The following PCDHGA2 variants were observed in gnomAD, a reference collection of about 807,000 sequenced individuals.
The protein encoded by PCDHGA2 is protocadherin gamma subfamily A, 2, also known as protocadherin gamma-A2.
Under a neutral mutation model 59.2 loss-of-function variants are expected in PCDHGA2, and 40 were observed. The observed-to-expected ratio is 0.68, with a 90% CI of 0.52 to 0.88. The LOEUF (loss-of-function observed/expected upper bound fraction) is 0.88. PCDHGA2 is among the 40% of genes least tolerant of loss of function. The pLI, the probability that PCDHGA2 is intolerant of heterozygous loss-of-function variation, is 0.00. For synonymous variants in PCDHGA2, 560 were observed against 526.0 expected (o/e 1.06, Z -0.89); for missense variants, 1,226 against 1,204.0 (o/e 1.02, Z -0.27).
Position 141,408,343 on chromosome 5 carries a change from G to A in PCDHGA2, c.2424+66948G>A, listed in dbSNP as rs780878986. On this transcript the variant is annotated intron_variant, in intron 1 of 3. Transcript: ENST00000394576. Reference sequence around the variant, plus strand: ...AGGAGCTGGCCAAGGGCTCGGTGGTGGGGAACCTCGCTAAGGATCTAGGGC... The same window carrying A: ...AGGAGCTGGCCAAGGGCTCGGTGGTAGGGAACCTCGCTAAGGATCTAGGGC... The A allele has an allele frequency of 1.9e-6, 3 of 1,613,924 alleles. No individual in the cohort carries two copies. In the South Asian group the frequency reaches 3.3e-5, roughly 18 times the overall value.
At position 141,400,283 on chromosome 5, in the gene PCDHGA2, C is replaced by T. The variant is rs566639489; in HGVS notation, c.2424+58888C>T. 2.5e-6 allele frequency: 4 copies of T among 1,614,084 alleles called. No individual in the cohort carries two copies. In the African/African-American group the frequency reaches 5.3e-5, roughly 22 times the overall value. On this transcript the variant is annotated intron_variant, in intron 1 of 3. Coordinates refer to ENST00000394576, the MANE Select transcript of PCDHGA2 (RefSeq NM_018915.4). The stretch of plus-strand genomic sequence containing the variant: ...CTGCGACGCTCCTCCAGCCCTGCCG[C>T]CTGGAGCTGCTTCCAACCTGGTCTC...
Position 141,476,838 on chromosome 5 carries a change from C to T in PCDHGA2, c.2425-17969C>T, listed in dbSNP as rs1347278637. 2.5e-6 allele frequency: 4 copies of T among 1,613,496 alleles called. No individual in the cohort carries two copies. Among genetic ancestry groups the T allele is most frequent in the Non-Finnish European group, 3.4e-6 (4 of 1,180,054 alleles). ...AAGGTGCTGGACGCGAATGACAATG[C>T]GCCTGTCTTCAACCAGTCCTTGTAC... On this transcript the variant is annotated intron_variant, in intron 1 of 3. Transcript: ENST00000394576. This position sits in a 1 kb window ranked among gnomAD's most constrained non-coding sequence, Gnocchi z 7.6.
intron 1 of PCDHGA2, chr5:141,442,380 T>G (rs1235241143): frequency 2.6e-5 from 4 of 152,244 alleles, no homozygotes; most frequent in Non-Finnish European, 4.4e-5. Flanking sequence ...TCCTACCAGG[T>G]GTGTGCTTCT....
At position 141,391,015 on chromosome 5, in the gene PCDHGA2, CAAAGA is replaced by C. The variant is rs1353502690; in HGVS notation, c.2424+49626_2424+49630del. On this transcript the variant is annotated intron_variant, in intron 1 of 3. Transcript: ENST00000394576. ...TTCAAGCTCATTCTATATCCTTCAT[CAAAGA>C]AAAGACAATGTTTTGTGTCTGTTGT... 3.3e-5 allele frequency: 5 copies of C among 152,166 alleles called. No individual in the cohort carries two copies. The East Asian group carries it at 9.6e-4, about 29-fold the overall frequency. The allele number at this position is 152,166 out of a possible 1,614,324, so 9.4% of individuals were successfully genotyped here. A position where few individuals can be genotyped will look rare whatever the true frequency, so the allele number is the denominator to read the frequency against.
chr5:141,420,968 T>A (rs1031890748), intron 1 of PCDHGA2: 1 of 441,548 alleles, frequency 2.3e-6, no homozygotes, highest in Non-Finnish European at 4.0e-6. Context: ...GTTGCAATAA[T>A]AAGAATGGGC....
At chr5:141,418,373 C>T (rs936895178) in intron 1 of PCDHGA2, 1 of 1,614,006 alleles carries the variant, frequency 6.2e-7, no homozygotes, top group Non-Finnish European at 8.5e-7. Context: ...CAAATACCAA[C>T]TAAGTCCTAA....
At chr5:141,421,169 T>G in intron 1 of PCDHGA2, 2 of 1,340,600 alleles carry the variant, frequency 1.5e-6, no homozygotes, top group South Asian at 1.5e-5. Flanking sequence ...CATAGATACA[T>G]AAGCCGATTC....
chr5:141,414,000 A>C (rs759228883), intron 1 of PCDHGA2: 20 of 1,613,400 alleles, frequency 1.2e-5, no homozygotes, highest in Non-Finnish European at 1.6e-5. Flanking sequence ...ACAGGGACGA[A>C]GGTGCCAATG....
intron 1 of PCDHGA2, chr5:141,394,693 G>T (rs1310404999): frequency 1.2e-6 from 2 of 1,612,890 alleles, no homozygotes; most frequent in African/African-American, 1.3e-5. Context: ...GGCGAGGTGC[G>T]CACGGCGCGA....
chr5:141,506,380 T>C (rs1209879935), intron 3 of PCDHGA2, among the ~76,000 whole-genome samples: 1 of 141,314 alleles, frequency 7.1e-6, no homozygotes, highest in Non-Finnish European at 1.5e-5. Flanking sequence ...ACCTGGGAGG[T>C]GGCTGTGGTG....
intron 3 of PCDHGA2, among the ~76,000 whole-genome samples, chr5:141,506,116 A>T: frequency 6.6e-6 from 1 of 152,136 alleles, no homozygotes; most frequent in East Asian, 1.9e-4. Flanking sequence ...AAGAGTCACT[A>T]GGGCCCAGAG....
chr5:141,503,164 C>G (rs1262310388), intron 2 of PCDHGA2, among the ~76,000 whole-genome samples: 2 of 152,068 alleles, frequency 1.3e-5, no homozygotes, highest in East Asian at 3.9e-4. Flanking sequence ...ATCACAATTG[C>G]AATTACTCTA....
intron 1 of PCDHGA2, among the ~76,000 whole-genome samples, chr5:141,472,273 G>A (rs2099275685): frequency 6.6e-6 from 1 of 152,170 alleles, no homozygotes; most frequent in South Asian, 2.1e-4. Context: ...CGGGCACAGT[G>A]GCTCACACCT....
At chr5:141,419,620 G>C in intron 1 of PCDHGA2, 1 of 1,612,304 alleles carries the variant, frequency 6.2e-7, no homozygotes, top group Non-Finnish European at 8.5e-7. Context: ...CAGGCTACCT[G>C]GTGACCAAGG....
chr5:141,423,434 T>C, intron 1 of PCDHGA2: 1 of 1,614,036 alleles, frequency 6.2e-7, no homozygotes, highest in Non-Finnish European at 8.5e-7. Flanking sequence ...TTGGCAGGTA[T>C]GCCCACGTCA....
chr5:141,430,258 A>T (rs542653323), intron 1 of PCDHGA2, among the ~76,000 whole-genome samples: 1 of 147,968 alleles, frequency 6.8e-6, no homozygotes, highest in Non-Finnish European at 1.5e-5. Flanking sequence ...AGACATCTCC[A>T]TAATAGGTGT....
intron 1 of PCDHGA2, chr5:141,374,885 G>A (rs753304716): frequency 9.3e-6 from 15 of 1,613,516 alleles, no homozygotes; most frequent in South Asian, 1.1e-5. Flanking sequence ...GACTGCCACC[G>A]ACCAGGATGA....
intron 1 of PCDHGA2, chr5:141,399,194 C>T (rs770516092): frequency 1.2e-6 from 2 of 1,613,838 alleles, no homozygotes; most frequent in South Asian, 1.1e-5. Context: ...CTGGAAAACG[C>T]GGTGCCTGGA....
chr5:141,390,448 A>AGT, intron 1 of PCDHGA2: 1 of 845,308 alleles, frequency 1.2e-6, no homozygotes, highest in South Asian at 1.8e-5. Context: ...ACAAAGGAGG[A>AGT]GTAAAGTAGG....
Sources: allele counts gnomAD v4.1 joint callset (sites outside exome capture counted in the v4.1 genomes callset), GRCh38; gene constraint gnomAD v4.1.1; non-coding constraint Gnocchi (gnomAD v3.1); transcripts MANE v1.5; gene names NCBI Gene and HGNC (gene_info 2026-07-23, HGNC 2026-07-21).